Variants in SPHKAP observed in about 807,000 individuals in gnomAD.
SPHKAP encodes the protein SPHK1 interactor, AKAP domain containing.
In SPHKAP, 67 loss-of-function variants were observed where a neutral mutation model predicts 137.5. That is an observed-to-expected ratio of 0.49 (90% CI 0.40 to 0.60). SPHKAP has a LOEUF of 0.60. Ranked by LOEUF, SPHKAP falls within the 20% of genes least tolerant of loss-of-function variation. The pLI is 0.00. For synonymous variants in SPHKAP, 813 were observed against 785.3 expected, an observed-to-expected ratio of 1.04 and a Z score of -0.59; for missense variants, 2,097 against 2,069.3, an observed-to-expected ratio of 1.01 and a Z score of -0.26.
chr2:228,019,209 T>C lies in SPHKAP; in HGVS notation c.1645A>G (p.Ile549Val). 1.9e-6 allele frequency: 3 copies of C among 1,613,854 alleles called. No individual in the cohort carries two copies. The highest frequency in any genetic ancestry group is 2.2e-5 in the East Asian group (1 of 44,876). Residue 549 changes from isoleucine (I) to valine (V), a missense_variant, in exon 7 of 12, where the codon ATC becomes GTC. Coordinates refer to ENST00000392056, the MANE Select transcript of SPHKAP (RefSeq NM_001142644.2). ...GCAGATGGAAAGGAGTACTCATTGA[T>C]GGAAGGTTCCTTGAGTCCTTGGGGT... ...QAPQGLKEPS[I>V]NEYSFPSALC...
chr2:228,105,356 T>C (rs1698306412), intron 3 of SPHKAP, among the ~76,000 whole-genome samples: 1 of 152,206 alleles, frequency 6.6e-6, no homozygotes, highest in African/African-American at 2.4e-5. Context: ...CAAGATAATG[T>C]CTCAGCTGTT....
At chr2:228,074,940 C>T (rs1036501258) in intron 3 of SPHKAP, among the ~76,000 whole-genome samples, 2 of 151,534 alleles carry the variant, frequency 1.3e-5, no homozygotes, top group Non-Finnish European at 2.9e-5. Context: ...GCATGAGATA[C>T]CCAATGTTAT....
At position 228,012,160 on chromosome 2, in the gene SPHKAP, C is replaced by T. The variant is rs182042449; in HGVS notation, c.4448+4246G>A. ...TCCAGCCTGGGTGACAGAGACTCTA[C>T]CTCAAAAAAAAAAAAAAAAAAAAAA... On this transcript the variant is annotated intron_variant, in intron 7 of 11. Coordinates refer to ENST00000392056, the MANE Select transcript of SPHKAP (RefSeq NM_001142644.2). 4.6e-3 allele frequency among the ~76,000 whole-genome samples: 414 copies of T among 89,324 alleles called. 3 individuals are homozygous for T. Among genetic ancestry groups the T allele is most frequent in the African/African-American group, 0.021 (387 of 18,878 alleles). 58.6% of individuals were successfully genotyped at this position (89,324 alleles called of 152,430 possible).
intron 8 of SPHKAP, among the ~76,000 whole-genome samples, chr2:227,994,492 AG>A (rs1257297329): frequency 4.6e-5 from 7 of 152,128 alleles, no homozygotes; most frequent in African/African-American, 1.7e-4. Flanking sequence ...CCAAAGGGTG[AG>A]TGGTGGTGCG....
chr2:228,103,155 T>A (rs1469850763), intron 3 of SPHKAP, among the ~76,000 whole-genome samples: 1 of 152,224 alleles, frequency 6.6e-6, no homozygotes, highest in African/African-American at 2.4e-5. Flanking sequence ...TCTCCACCGA[T>A]GTTCTGTGTC....
intron 7 of SPHKAP, among the ~76,000 whole-genome samples, chr2:228,004,090 A>G (rs1439733662): frequency 6.6e-6 from 1 of 152,192 alleles, no homozygotes; most frequent in Non-Finnish European, 1.5e-5. Context: ...TGAGTTAGGG[A>G]GGATGCCCTC....
chr2:228,104,826 T>C (rs1698289936), intron 3 of SPHKAP, among the ~76,000 whole-genome samples: 1 of 152,170 alleles, frequency 6.6e-6, no homozygotes, highest in African/African-American at 2.4e-5. Flanking sequence ...TAACTATGAA[T>C]AGAAATAATG....
intron 3 of SPHKAP, among the ~76,000 whole-genome samples, chr2:228,053,372 A>G (rs1696326549): frequency 1.3e-5 from 2 of 152,224 alleles, no homozygotes; most frequent in Non-Finnish European, 2.9e-5. Flanking sequence ...ATTTCACAGG[A>G]ATGCAAGCAT....
intron 7 of SPHKAP, among the ~76,000 whole-genome samples, chr2:228,015,050 C>T (rs1477375966): frequency 2.0e-5 from 3 of 150,628 alleles, no homozygotes; most frequent in Admixed American, 6.6e-5. Context: ...AGGTATATCT[C>T]CTAATGCTAT....
chr2:228,031,385 G>A (rs955243468), intron 3 of SPHKAP, among the ~76,000 whole-genome samples: 9 of 152,226 alleles, frequency 5.9e-5, no homozygotes, highest in Admixed American at 1.3e-4. Context: ...GATCTGGGTG[G>A]AGCCCACCAC....
chr2:228,092,079 G>GTA (rs780218721), intron 3 of SPHKAP, among the ~76,000 whole-genome samples: 5 of 146,574 alleles, frequency 3.4e-5, no homozygotes, highest in African/African-American at 4.9e-5. Context: ...GTCTATATAT[G>GTA]TATATATATG....
At chr2:227,983,616 A>G (rs980112301) in intron 11 of SPHKAP, among the ~76,000 whole-genome samples, 2 of 141,538 alleles carry the variant, frequency 1.4e-5, no homozygotes, top group African/African-American at 4.9e-5. Context: ...ACATTCAAAG[A>G]TCTCAAGAAG....
intron 9 of SPHKAP, 23 bp from the exon 10 acceptor site, chr2:227,991,349 A>G (rs761621424): frequency 6.2e-7 from 1 of 1,614,022 alleles, no homozygotes; most frequent in Non-Finnish European, 8.5e-7. Flanking sequence ...ACAACAGTAT[A>G]TGGTTGGTAA....
At chr2:228,045,298 C>T (rs576095265) in intron 3 of SPHKAP, among the ~76,000 whole-genome samples, 137 of 148,436 alleles carry the variant, frequency 9.2e-4, no homozygotes, top group Non-Finnish European at 2.2e-4. Flanking sequence ...CACATGCACA[C>T]GTATGTTTAT....
intron 3 of SPHKAP, among the ~76,000 whole-genome samples, chr2:228,063,952 A>G (rs1696745010): frequency 6.6e-6 from 1 of 152,206 alleles, no homozygotes; most frequent in Non-Finnish European, 1.5e-5. Flanking sequence ...ACTGATCTAC[A>G]TTCTCCATAC....
intron 1 of SPHKAP, among the ~76,000 whole-genome samples, chr2:228,147,966 C>A (rs1559199901): frequency 6.6e-6 from 1 of 152,216 alleles, no homozygotes. Flanking sequence ...TGCATTTAAT[C>A]AAGAGGCTTA....
intron 1 of SPHKAP, among the ~76,000 whole-genome samples, chr2:228,145,656 A>T (rs1020564375): frequency 6.6e-6 from 1 of 152,188 alleles, no homozygotes; most frequent in Non-Finnish European, 1.5e-5. Context: ...GTTAGGTATT[A>T]AAAAATTATA....
chr2:228,027,909 T>C, intron 3 of SPHKAP: 1 of 650,388 alleles, frequency 1.5e-6, no homozygotes, highest in Non-Finnish European at 1.9e-6. Flanking sequence ...GAGGTTGCAG[T>C]GAGCCGAGGT....
At chr2:228,114,695 C>T (rs1034540855) in intron 2 of SPHKAP, among the ~76,000 whole-genome samples, 2 of 152,032 alleles carry the variant, frequency 1.3e-5, no homozygotes, top group East Asian at 1.9e-4. Flanking sequence ...TCTGTTTCAT[C>T]GAACATTTTC....
Sources: allele counts gnomAD v4.1 joint callset (sites outside exome capture counted in the v4.1 genomes callset), GRCh38; gene constraint gnomAD v4.1.1; transcripts MANE v1.5; gene names NCBI Gene and HGNC (gene_info 2026-07-23, HGNC 2026-07-21).